SNTB2: variants seen among roughly 807,000 people sequenced by gnomAD.
SNTB2 encodes the protein syntrophin beta 2.
SNTB2 carries 34 observed loss-of-function variants against 46.2 expected under a neutral mutation model. The ratio of observed to expected loss-of-function variants is 0.74; its 90% CI spans 0.56 to 0.98. SNTB2 has a LOEUF of 0.98. SNTB2 is among the 50% of genes least tolerant of loss of function. SNTB2 has a pLI of 0.00. For synonymous variants in SNTB2, 290 were observed against 312.6 expected (o/e 0.93, Z 0.76); for missense variants, 603 against 731.4 (o/e 0.82, Z 2.02).
rs560935719 is a variant in SNTB2 at position 69,285,207 on chromosome 16, G to A, written c.1345+963G>A. On this transcript the variant is annotated intron_variant, in intron 5 of 6. Transcript: ENST00000336278. The stretch of plus-strand genomic sequence containing the variant: ...TATTATTTGTGCCAGACTTAAAAAT[G>A]TGCTAAAATATGGCAGCTAAAAGTG... Among the ~76,000 whole-genome samples, 3 of 152,260 alleles carry A rather than the reference G, an allele frequency of 2.0e-5. No homozygotes were observed. The South Asian group carries it at 6.2e-4, about 32-fold the overall frequency.
At chr16:69,226,304 T>C (rs1166529429) in intron 1 of SNTB2, among the ~76,000 whole-genome samples, 9 of 149,912 alleles carry the variant, frequency 6.0e-5, no homozygotes, top group Admixed American at 4.0e-4. Flanking sequence ...CTCCTGACCT[T>C]AGGTGATCTG....
chr16:69,256,561 C>T (rs1380418449), intron 2 of SNTB2, among the ~76,000 whole-genome samples: 1 of 152,152 alleles, frequency 6.6e-6, no homozygotes, highest in South Asian at 2.1e-4. Context: ...TGAAAGTAGG[C>T]TCATATGTTA....
In SNTB2 at chr16:69,187,312, G is replaced by A. The variant is rs1455250732; in HGVS notation, c.146G>A (p.Ser49Asn). The change falls in exon 1 of 7, where the codon AGC becomes AAC. Residue 49 changes from serine (S) to asparagine (N), a missense_variant. Ser to Asn is a conservative substitution (Grantham distance 46). Around this residue, in one of 2 missense-constraint regions of SNTB2, gnomAD observed 537 missense variants for 692.4 expected, o/e 0.78. Coordinates refer to ENST00000336278, the MANE Select transcript of SNTB2 (RefSeq NM_006750.4). ...VVAELSGESL[S>N]LTGDAAAAEL... ...GCCGAGCTGAGCGGGGAGAGCCTGAGCCTGACGGGCGACGCCGCCGCGGCC... is the reference window on the plus strand; with the variant it reads ...GCCGAGCTGAGCGGGGAGAGCCTGAACCTGACGGGCGACGCCGCCGCGGCC... 7 of 1,463,702 alleles carry A rather than the reference G, an allele frequency of 4.8e-6. No homozygotes were observed. In the East Asian group the frequency reaches 1.7e-4, roughly 36 times the overall value. The allele number at this position is 1,463,702 out of a possible 1,614,324, so 90.7% of individuals were successfully genotyped here. A position where few individuals can be genotyped will look rare whatever the true frequency, so the allele number is the denominator to read the frequency against.
In SNTB2 at chr16:69,194,683, A is replaced by C. The variant is rs1186334195; in HGVS notation, c.580+6937A>C. On this transcript the variant is annotated intron_variant, in intron 1 of 6. Transcript: ENST00000336278. ...TCCAATCATGTGGCTGAGGGGTACCAGATGTTCTATTTGGCCAGGCCTATA... is the reference window on the plus strand; with the variant it reads ...TCCAATCATGTGGCTGAGGGGTACCCGATGTTCTATTTGGCCAGGCCTATA... Among the ~76,000 whole-genome samples the C allele has an allele frequency of 4.6e-5, 7 of 152,328 alleles. No individual in the cohort carries two copies. In the East Asian group the frequency reaches 1.3e-3, roughly 29 times the overall value.
chr16:69,270,426 T>C, intron 4 of SNTB2, 141 bp downstream of exon 4: 1 of 986,878 alleles, frequency 1.0e-6, no homozygotes, highest in Non-Finnish European at 1.5e-6. Context: ...AAAAATTTTT[T>C]GTTTTACAAC....
At position 69,293,703 on chromosome 16, in the gene SNTB2, G is replaced by C. The variant is rs190753875; in HGVS notation, c.1346-5887G>C. Among the ~76,000 whole-genome samples, 5 of 152,292 alleles carry C rather than the reference G, an allele frequency of 3.3e-5. 1 individual carries two copies. In the East Asian group the frequency reaches 9.6e-4, roughly 29 times the overall value. On this transcript the variant is annotated intron_variant, in intron 5 of 6. Coordinates refer to ENST00000336278, the MANE Select transcript of SNTB2 (RefSeq NM_006750.4). ...CTTGAGCATTTAAAAAAGTGAATGG[G>C]AGGGATCTGATTCAGAGGGACATGT...
chr16:69,235,506 TGGA>T (rs1377613095), intron 1 of SNTB2, among the ~76,000 whole-genome samples: 1 of 152,030 alleles, frequency 6.6e-6, no homozygotes, highest in Non-Finnish European at 1.5e-5. Context: ...TGGAGAAAGG[TGGA>T]GTTTTTTAGA....
rs1965303255 is a variant in SNTB2 at position 69,304,762 on chromosome 16, C to G, written c.*3838C>G. The G allele has an allele frequency of 6.6e-6, 1 of 151,856 alleles. No homozygotes were observed. Among genetic ancestry groups the G allele is most frequent in the Non-Finnish European group, 1.5e-5 (1 of 68,020 alleles). 9.4% of individuals were successfully genotyped at this position (151,856 alleles called of 1,614,324 possible). On this transcript the variant is annotated 3_prime_UTR_variant, in exon 7 of 7. Coordinates refer to ENST00000336278, the MANE Select transcript of SNTB2 (RefSeq NM_006750.4). ...GACTGCAGCCTCAACCTTCTGGGCT[C>G]AAATGATCCTTTCACCTCAGCCTCC...
At chr16:69,235,909 A>G in intron 1 of SNTB2, 1 of 1,219,602 alleles carries the variant, frequency 8.2e-7, no homozygotes, top group Non-Finnish European at 1.1e-6. Flanking sequence ...TTAGATATAT[A>G]TAGAATTACT....
At chr16:69,211,302 T>C (rs923582574) in intron 1 of SNTB2, among the ~76,000 whole-genome samples, 40 of 152,192 alleles carry the variant, frequency 2.6e-4, no homozygotes, top group African/African-American at 9.6e-4. Context: ...TGTATGTATT[T>C]AAGGTTGTTT....
chr16:69,259,969 T>C lies in SNTB2; in HGVS notation c.795-81T>C, dbSNP rs539005050. 3 of 982,834 alleles carry C rather than the reference T, an allele frequency of 3.1e-6. No individual in the cohort carries two copies. The South Asian group carries it at 4.0e-5, about 13-fold the overall frequency. 60.9% of individuals were successfully genotyped at this position (982,834 alleles called of 1,614,324 possible). The stretch of plus-strand genomic sequence containing the variant: ...TTGAAGAATGCAAAATTAAAATAGA[T>C]TTGCAGTTATGTATTTTAAACCTGG... On this transcript the variant is annotated intron_variant, in intron 2 of 6. Transcript: ENST00000336278.
chr16:69,296,700 C>T (rs562150837), intron 5 of SNTB2, among the ~76,000 whole-genome samples: 97 of 144,390 alleles, frequency 6.7e-4, no homozygotes, highest in African/African-American at 2.4e-3. Context: ...GCAGCCTGGC[C>T]GACAGAGAGA....
At chr16:69,215,135 G>A (rs546768205) in intron 1 of SNTB2, among the ~76,000 whole-genome samples, 24 of 152,336 alleles carry the variant, frequency 1.6e-4, no homozygotes, top group Non-Finnish European at 2.5e-4. Context: ...TGGGATTACA[G>A]ACGTGAGCCA....
At chr16:69,195,459 A>G (rs1229662089) in intron 1 of SNTB2, among the ~76,000 whole-genome samples, 1 of 138,462 alleles carries the variant, frequency 7.2e-6, no homozygotes, top group East Asian at 2.0e-4. Context: ...TTTTTTTTTT[A>G]GTAAGAATTA....
At chr16:69,198,479 G>A (rs762180888) in intron 1 of SNTB2, among the ~76,000 whole-genome samples, 6 of 152,102 alleles carry the variant, frequency 3.9e-5, no homozygotes, top group Non-Finnish European at 7.4e-5. Flanking sequence ...TTCTCTTTAA[G>A]GAGTTTGTGT....
At position 69,251,906 on chromosome 16, in the gene SNTB2, C is replaced by T. The variant is rs567509042; in HGVS notation, c.794+6091C>T. ...TTTGAGACCAGCCGGGCCAACATGG[C>T]AAAACCCCATCTCTACTAAAAATAA... On this transcript the variant is annotated intron_variant, in intron 2 of 6. Coordinates refer to ENST00000336278, the MANE Select transcript of SNTB2 (RefSeq NM_006750.4). Among the ~76,000 whole-genome samples, 5 of 152,204 alleles carry T rather than the reference C, an allele frequency of 3.3e-5. No individual in the cohort carries two copies. The South Asian group carries it at 1.0e-3, about 32-fold the overall frequency.
chr16:69,297,922 C>T (rs1965243356), intron 5 of SNTB2, among the ~76,000 whole-genome samples: 1 of 151,490 alleles, frequency 6.6e-6, no homozygotes, highest in African/African-American at 2.4e-5. Flanking sequence ...TCAAAACAAA[C>T]AAAAAAAAGA....
At chr16:69,262,153 G>C (rs1196066365) in intron 3 of SNTB2, among the ~76,000 whole-genome samples, 1 of 152,198 alleles carries the variant, frequency 6.6e-6, no homozygotes. Context: ...AGGTAGACCA[G>C]ATAAGGATAT....
chr16:69,293,119 T>TTCTAGAA (rs2143189064), intron 5 of SNTB2, among the ~76,000 whole-genome samples: 1 of 152,268 alleles, frequency 6.6e-6, no homozygotes, highest in African/African-American at 2.4e-5. Flanking sequence ...AGAATAAATA[T>TTCTAGAA]TAAATATCTT....
Sources: gnomAD v4.1 joint callset for allele counts (sites outside exome capture counted in the v4.1 genomes callset) on GRCh38, gnomAD v4.1.1 for gene constraint, gnomAD v4.1.1 regional missense constraint, MANE v1.5 for transcripts, NCBI Gene and HGNC (gene_info 2026-07-23, HGNC 2026-07-21) for gene names.